CRYL1: variants seen among roughly 807,000 people sequenced by gnomAD.
CRYL1 encodes the protein lambda-crystallin homolog.
In CRYL1, 29 loss-of-function variants were observed where a neutral mutation model predicts 36.6. The observed-to-expected ratio is 0.79, with a 90% CI of 0.59 to 1.08. The LOEUF (loss-of-function observed/expected upper bound fraction) is 1.08. Among genes scored for constraint, CRYL1 ranks in the 50% least tolerant of loss-of-function variants. The pLI, the probability that CRYL1 is intolerant of heterozygous loss-of-function variation, is 0.00. For synonymous variants in CRYL1, 152 were observed against 151.5 expected, an observed-to-expected ratio of 1.00 and a Z score of -0.02; for missense variants, 411 against 407.9, an observed-to-expected ratio of 1.01 and a Z score of -0.06.
chr13:20,493,682 G>A (rs1031122169), intron 2 of CRYL1, among the ~76,000 whole-genome samples: 1 of 152,072 alleles, frequency 6.6e-6, no homozygotes, highest in Admixed American at 6.6e-5. Context: ...AAGAAAGAAG[G>A]AGAAGGAGAA....
intron 3 of CRYL1, among the ~76,000 whole-genome samples, chr13:20,472,434 T>G (rs1451217172): frequency 6.6e-6 from 1 of 152,148 alleles, no homozygotes; most frequent in Non-Finnish European, 1.5e-5. Context: ...TAGCTCACTC[T>G]TACTACAGGC....
intron 2 of CRYL1, among the ~76,000 whole-genome samples, chr13:20,493,097 CG>C (rs1211050569): frequency 1.3e-5 from 2 of 152,228 alleles, no homozygotes; most frequent in African/African-American, 4.8e-5. Context: ...TGCACAGACT[CG>C]GGTTGGCTGT....
At chr13:20,501,584 C>T (rs1309442139) in intron 2 of CRYL1, among the ~76,000 whole-genome samples, 2 of 152,156 alleles carry the variant, frequency 1.3e-5, no homozygotes, top group Non-Finnish European at 2.9e-5. Flanking sequence ...ATCTGAAGAG[C>T]TAAAGATGGG....
chr13:20,512,510 C>T lies in CRYL1; in HGVS notation c.82G>A (p.Gly28Arg), dbSNP rs201045351. 1.9e-6 allele frequency: 3 copies of T among 1,614,152 alleles called. No homozygotes were observed. The highest frequency in any genetic ancestry group is 4.5e-5 in the East Asian group (2 of 44,886). Residue 28 changes from glycine to arginine, a missense_variant, in exon 2 of 8, where the codon GGA (glycine) becomes AGA (arginine). Physicochemically the swap from Gly to Arg is moderately radical, Grantham distance 125 (BLOSUM62 -2). Transcript: ENST00000298248. ...GRSWAMLFAS[G>R]GFQVKLYDIE... ...TCATAGAGTTTCACCTGGAAGCCTCCACTGGCAAACAGCATGGCCCAGCTT... is the reference window on the plus strand; with the variant it reads ...TCATAGAGTTTCACCTGGAAGCCTCTACTGGCAAACAGCATGGCCCAGCTT...
At chr13:20,467,770 G>A (rs893610270) in intron 3 of CRYL1, among the ~76,000 whole-genome samples, 10 of 152,276 alleles carry the variant, frequency 6.6e-5, no homozygotes, top group African/African-American at 2.2e-4. Flanking sequence ...GCAGTGAGCC[G>A]AGATTGGGCT....
Position 20,403,978 on chromosome 13 carries a change from G to A in CRYL1, c.*151C>T, listed in dbSNP as rs546665813. ...GATCCAAAGTGACGGGCAGACTACCGGCCTGCACCACCCCACTCAGGCTGC... is the reference window on the plus strand; with the variant it reads ...GATCCAAAGTGACGGGCAGACTACCAGCCTGCACCACCCCACTCAGGCTGC... On this transcript the variant is annotated 3_prime_UTR_variant, in exon 8 of 8. Coordinates refer to ENST00000298248, the MANE Select transcript of CRYL1 (RefSeq NM_015974.3). The A allele has an allele frequency of 8.3e-6, 5 of 599,056 alleles. No individual in the cohort carries two copies. The East Asian group carries it at 8.6e-5, about 10-fold the overall frequency. 37.1% of individuals were successfully genotyped at this position (599,056 alleles called of 1,614,324 possible).
intron 1 of CRYL1, chr13:20,515,760 G>A (rs1267198048): frequency 6.6e-6 from 1 of 152,210 alleles, no homozygotes; most frequent in Non-Finnish European, 1.5e-5. Context: ...AAGGGTGGAT[G>A]CCAGGGGCTG....
chr13:20,465,497 C>T (rs2032914242), intron 3 of CRYL1, among the ~76,000 whole-genome samples: 1 of 152,154 alleles, frequency 6.6e-6, no homozygotes, highest in African/African-American at 2.4e-5. Context: ...TCACTTTCTC[C>T]ACTATGGAAG....
intron 3 of CRYL1, among the ~76,000 whole-genome samples, chr13:20,471,308 C>T (rs113956933): frequency 3.6e-4 from 55 of 152,180 alleles, no homozygotes; most frequent in Middle Eastern, 3.4e-3. Flanking sequence ...CGCGGTGGCT[C>T]ACGCCTGTAA....
chr13:20,496,321 C>T (rs1165057217), intron 2 of CRYL1, among the ~76,000 whole-genome samples: 2 of 152,132 alleles, frequency 1.3e-5, no homozygotes, highest in Non-Finnish European at 2.9e-5. Flanking sequence ...CTGCAGATTG[C>T]ACAACCATGT....
intron 3 of CRYL1, chr13:20,473,086 G>C (rs564618581): frequency 6.6e-6 from 1 of 152,378 alleles, no homozygotes; most frequent in East Asian, 1.9e-4. Flanking sequence ...TGCTCAGAGA[G>C]ACAGTGAGTG....
intron 3 of CRYL1, among the ~76,000 whole-genome samples, chr13:20,488,538 G>C (rs9315624): frequency 0.3 from 45,846 of 152,084 alleles, 7,901 homozygotes; most frequent in African/African-American, 0.48. Context: ...CTTAGAGCAG[G>C]AAATGACCAG....
intron 1 of CRYL1, among the ~76,000 whole-genome samples, chr13:20,521,400 T>C (rs576261735): frequency 6.6e-6 from 1 of 152,246 alleles, no homozygotes; most frequent in South Asian, 2.1e-4. Context: ...GCTAGAAAGT[T>C]CCCTGGCTTG....
rs1289299215 is a variant in CRYL1 at position 20,404,876 on chromosome 13, GACA to G, written c.740-138_740-136del. On this transcript the variant is annotated intron_variant, in intron 6 of 7. Coordinates refer to ENST00000298248, the MANE Select transcript of CRYL1 (RefSeq NM_015974.3). ...CACTCTTCCCTCCCTGTGAAGACAA[GACA>G]GAGCTGGGGCATGTGTAAGGGCCTG... 10 of 669,132 alleles carry G rather than the reference GACA, an allele frequency of 1.5e-5. No homozygotes were observed. In the East Asian group the frequency reaches 2.6e-4, roughly 17 times the overall value. The allele number at this position is 669,132 out of a possible 1,614,324, so 41.4% of individuals were successfully genotyped here. A position where few individuals can be genotyped will look rare whatever the true frequency, so the allele number is the denominator to read the frequency against.
intron 3 of CRYL1, among the ~76,000 whole-genome samples, chr13:20,477,349 T>TTATA (rs200683688): frequency 2.0e-5 from 3 of 151,010 alleles, no homozygotes; most frequent in East Asian, 1.9e-4. Flanking sequence ...AGTAATTAAT[T>TTATA]TATATATATA....
intron 3 of CRYL1, among the ~76,000 whole-genome samples, chr13:20,467,112 TG>T (rs1358320227): frequency 1.4e-4 from 3 of 21,104 alleles, no homozygotes; most frequent in South Asian, 9.1e-3. Context: ...CACGCCCGGC[TG>T]ATTTTTTTTT....
intron 4 of CRYL1, 80 bp downstream of exon 4, chr13:20,439,513 G>GCC: frequency 1.4e-6 from 1 of 723,676 alleles, no homozygotes; most frequent in Non-Finnish European, 1.9e-6. Context: ...CCCCTCCCCC[G>GCC]CAAAAAAAAA....
intron 3 of CRYL1, among the ~76,000 whole-genome samples, chr13:20,470,410 C>T (rs540895887): frequency 6.6e-6 from 1 of 152,332 alleles, no homozygotes; most frequent in East Asian, 1.9e-4. Flanking sequence ...GGCACCAGCC[C>T]TCAAAGGCGC....
chr13:20,408,576 G>A lies in CRYL1; in HGVS notation c.740-3835C>T, dbSNP rs114174376. 8.5e-3 allele frequency among the ~76,000 whole-genome samples: 1,296 copies of A among 152,280 alleles called. 8 individuals carry two copies. The highest frequency in any genetic ancestry group is 0.029 in the African/African-American group (1,215 of 41,546). ...GGGAAACTCTAGGTACCTGGTTCCA[G>A]AGGCTTCTCCATGCCATAGCAAAAA... On this transcript the variant is annotated intron_variant, in intron 6 of 7. Coordinates refer to ENST00000298248, the MANE Select transcript of CRYL1 (RefSeq NM_015974.3).
Sources: gnomAD v4.1 joint callset for allele counts (sites outside exome capture counted in the v4.1 genomes callset) on GRCh38, gnomAD v4.1.1 for gene constraint, MANE v1.5 for transcripts, NCBI Gene and HGNC (gene_info 2026-07-23, HGNC 2026-07-21) for gene names.